The following MOV10 variants were observed in gnomAD, a reference collection of about 807,000 sequenced individuals.
The protein encoded by MOV10 is RNA helicase MOV-10.
MOV10 carries 39 observed loss-of-function variants against 108.4 expected under a neutral mutation model. The observed-to-expected ratio is 0.36, with a 90% CI of 0.28 to 0.47. The LOEUF is 0.47. MOV10 is among the 20% of genes least tolerant of loss of function. The pLI, the probability that MOV10 is intolerant of heterozygous loss-of-function variation, is 1.00. For missense variants in MOV10, 952 were observed against 1,297.6 expected, an observed-to-expected ratio of 0.73 and a Z score of 4.09; for synonymous variants, 490 against 523.1, an observed-to-expected ratio of 0.94 and a Z score of 0.86.
intron 2 of MOV10, among the ~76,000 whole-genome samples, chr1:112,682,011 T>C (rs911750479): frequency 2.6e-5 from 4 of 151,898 alleles, no homozygotes; most frequent in Non-Finnish European, 4.4e-5. Context: ...TTCTCCTGCC[T>C]CAGCCTCCCA....
At chr1:112,693,020 C>A (rs1490117206) in intron 7 of MOV10, 91 bp downstream of exon 7, 3 of 1,290,028 alleles carry the variant, frequency 2.3e-6, no homozygotes, top group African/African-American at 1.5e-5. Flanking sequence ...CAGGGCAGAA[C>A]AAGAGGAAAG....
At chr1:112,682,956 G>T (rs1249783202) in intron 2 of MOV10, among the ~76,000 whole-genome samples, 3 of 136,834 alleles carry the variant, frequency 2.2e-5, no homozygotes, top group African/African-American at 5.5e-5. Flanking sequence ...GTCTTGCTCT[G>T]TTGCCCAGGC....
At chr1:112,678,472 G>A (rs2101247196) in intron 2 of MOV10, among the ~76,000 whole-genome samples, 1 of 152,134 alleles carries the variant, frequency 6.6e-6, no homozygotes, top group African/African-American at 2.4e-5. Flanking sequence ...ATTTAATTAC[G>A]GTTGTGATGA....
rs1174716440 is a variant in MOV10, at chr1:112,696,147, G to A, written c.1780-1G>A. 1 of 1,609,630 alleles carries A rather than the reference G, an allele frequency of 6.2e-7. No individual in the cohort carries two copies. Among genetic ancestry groups the A allele is most frequent in the Non-Finnish European group, 8.5e-7 (1 of 1,177,088 alleles). Reference sequence around the variant, plus strand: ...TCCTCTGGTCCCTTCACAATCCACAGCCCTGCTGCAACTGGGACGCAAAGA... The same window carrying A: ...TCCTCTGGTCCCTTCACAATCCACAACCCTGCTGCAACTGGGACGCAAAGA... On this transcript the variant is annotated splice_acceptor_variant, in intron 11 of 20. Coordinates refer to ENST00000369645, the MANE Select transcript of MOV10 (RefSeq NM_001321324.2). LOFTEE classifies it high-confidence loss of function.
Position 112,691,715 on chromosome 1 carries a change from C to A in MOV10, c.887C>A (p.Pro296Gln). The A allele has an allele frequency of 6.2e-7, 1 of 1,614,152 alleles. No individual in the cohort carries two copies. The highest frequency in any genetic ancestry group is 8.5e-7 in the Non-Finnish European group (1 of 1,180,026). The change falls in exon 6 of 21, where the codon CCA (proline) becomes CAA (glutamine). Residue 296 changes from proline to glutamine, a missense_variant. Physicochemically the swap from Pro to Gln is moderately conservative, Grantham distance 76 (BLOSUM62 -1). Coordinates refer to ENST00000369645, the MANE Select transcript of MOV10 (RefSeq NM_001321324.2). The part of the protein sequence containing the change: ...ELSMALGTYY[P>Q]PPRLRQLLPM... ...AGTATGGCGCTGGGGACATACTACC[C>A]ACCTCCCCGCCTCAGGCAGCTGCTC...
In MOV10 at chr1:112,675,258, T is replaced by A. The variant is rs1308496854; in HGVS notation, c.137+209T>A. 6.6e-6 allele frequency among the ~76,000 whole-genome samples: 1 copy of A among 151,874 alleles called. No homozygotes were observed. Among genetic ancestry groups the A allele is most frequent in the East Asian group, 1.9e-4 (1 of 5,158 alleles). On this transcript the variant is annotated intron_variant, in intron 2 of 20. Transcript: ENST00000369645. This position sits in a 1 kb window ranked among gnomAD's most constrained non-coding sequence, Gnocchi z 4.7. ...CGGAGCCCGCCAGTTCTGCCCGAGC[T>A]GGGCCCCTGCGCCAAGTCGCCGCGG...
intron 12 of MOV10, 35 bp from the exon 13 acceptor site, chr1:112,696,402 T>C: frequency 5.8e-6 from 9 of 1,556,020 alleles, no homozygotes; most frequent in Non-Finnish European, 8.0e-6. Flanking sequence ...GTTGGGTGCC[T>C]GGATATGACC....
Position 112,675,052 on chromosome 1 carries a change from A to G in MOV10, c.137+3A>G. 6.3e-7 allele frequency: 1 copy of G among 1,594,276 alleles called. No homozygotes were observed. The highest frequency in any genetic ancestry group is 8.5e-7 in the Non-Finnish European group (1 of 1,171,106). On this transcript the variant is annotated splice_donor_region_variant and intron_variant, in intron 2 of 20. Transcript: ENST00000369645. The surrounding 1 kb of genome is among the most constrained non-coding windows in gnomAD (Gnocchi z 4.7). ...TATAACCGCGACTTCAAGATCAGGT[A>G]CGGGCCGGCCCACTCCCGGCCCCGA...
In MOV10 at chr1:112,690,071, G is replaced by A. The variant is rs963236566; in HGVS notation, c.809G>A (p.Arg270Gln). The A allele has an allele frequency of 4.3e-6, 7 of 1,613,944 alleles. No homozygotes were observed. The highest frequency in any genetic ancestry group is 3.3e-5 in the Admixed American group (2 of 60,022). Reference protein sequence around the residue: ...RITGNPVVTNRIEEGERPDRA... With the variant: ...RITGNPVVTNQIEEGERPDRA... ...ACCGGAAACCCTGTGGTGACCAATC[G>A]GATAGAGGAAGGAGAGAGACCTGAC... Residue 270 changes from arginine (R) to glutamine (Q), a missense_variant, in exon 5 of 21, where the codon CGG becomes CAG. Arg to Gln is a conservative substitution (Grantham distance 43). This residue lies in a region of MOV10 where 374 missense variants were observed against 468.6 expected (regional missense o/e 0.80). Transcript: ENST00000369645.
At chr1:112,688,061 G>A (rs1255138832) in intron 2 of MOV10, among the ~76,000 whole-genome samples, 1 of 152,064 alleles carries the variant, frequency 6.6e-6, no homozygotes, top group Non-Finnish European at 1.5e-5. Context: ...CCCAGACTGG[G>A]CTCAGTGTCC....
chr1:112,700,654 TG>T lies in MOV10; in HGVS notation c.*151del. 1 of 1,536,200 alleles carries T rather than the reference TG, an allele frequency of 6.5e-7. No individual in the cohort carries two copies. On this transcript the variant is annotated 3_prime_UTR_variant, in exon 21 of 21. Transcript: ENST00000369645. ...CAAGCCATTCCACCCCCTCCCCTGC[TG>T]GGGAGAATGACACATCAAGCTGCTA...
Position 112,689,461 on chromosome 1 carries a change from G to A in MOV10, c.388G>A (p.Gly130Arg). 6.2e-7 allele frequency: 1 copy of A among 1,614,034 alleles called. No individual in the cohort carries two copies. Among genetic ancestry groups the A allele is most frequent in the Non-Finnish European group, 8.5e-7 (1 of 1,180,004 alleles). Residue 130 changes from glycine (G) to arginine (R), a missense_variant, in exon 4 of 21, where the codon GGG (glycine) becomes AGG (arginine). By Grantham distance (125) the Gly-to-Arg change is moderately radical (BLOSUM62 -2). Around this residue, in one of 5 missense-constraint regions of MOV10, gnomAD observed 374 missense variants for 468.6 expected, o/e 0.80. Transcript: ENST00000369645. ...GKHGVDVEVQGPHEARDGQLL... is the reference protein window; with the variant it reads ...GKHGVDVEVQRPHEARDGQLL... Reference sequence around the variant, plus strand: ...ACATGGTGTGGATGTGGAAGTCCAGGGGCCCCATGAAGCCCGAGATGGGCA... The same window carrying A: ...ACATGGTGTGGATGTGGAAGTCCAGAGGCCCCATGAAGCCCGAGATGGGCA...
intron 2 of MOV10, among the ~76,000 whole-genome samples, chr1:112,683,587 C>T (rs910755342): frequency 2.6e-5 from 4 of 152,166 alleles, no homozygotes; most frequent in Non-Finnish European, 5.9e-5. Context: ...GATCCTCCTA[C>T]CTCAGCCTTC....
chr1:112,683,878 C>T (rs1423532503), intron 2 of MOV10, among the ~76,000 whole-genome samples: 1 of 152,168 alleles, frequency 6.6e-6, no homozygotes, highest in Non-Finnish European at 1.5e-5. Context: ...TACTTTTCTT[C>T]CCATGGGACA....
chr1:112,688,548 A>C, intron 2 of MOV10: 1 of 1,114,930 alleles, frequency 9.0e-7, no homozygotes, highest in Non-Finnish European at 1.1e-6. Context: ...CCTTAGCCTC[A>C]GCTCTTTCTT....
intron 17 of MOV10, chr1:112,699,341 G>A (rs992535325): frequency 2.1e-5 from 11 of 519,172 alleles, no homozygotes; most frequent in African/African-American, 1.6e-4. Context: ...TCGGGGGTCC[G>A]GGTTAGGGCC....
At chr1:112,693,212 T>G (rs1673742376) in intron 7 of MOV10, among the ~76,000 whole-genome samples, 1 of 152,234 alleles carries the variant, frequency 6.6e-6, no homozygotes, top group African/African-American at 2.4e-5. Flanking sequence ...CTGGACTGGA[T>G]AATTCTTAGA....
chr1:112,698,916 C>G (rs990208736), intron 17 of MOV10, 127 bp downstream of exon 17: 7 of 791,270 alleles, frequency 8.8e-6, no homozygotes, highest in Non-Finnish European at 1.5e-5. Context: ...GAATAGAGCT[C>G]GAGCTCTCCC....
intron 2 of MOV10, among the ~76,000 whole-genome samples, chr1:112,684,262 AT>A (rs71084487): frequency 0.26 from 24,842 of 93,768 alleles, 2,180 homozygotes; most frequent in East Asian, 0.48. Context: ...AGTCCCTGGG[AT>A]TTTTTTTTTT....
Sources: gnomAD v4.1 joint callset for allele counts (sites outside exome capture counted in the v4.1 genomes callset) on GRCh38, gnomAD v4.1.1 for gene constraint, gnomAD v4.1.1 regional missense constraint, Gnocchi (gnomAD v3.1) non-coding constraint, MANE v1.5 for transcripts, NCBI Gene and HGNC (gene_info 2026-07-23, HGNC 2026-07-21) for gene names.